Variants in FIGN observed in about 807,000 individuals in gnomAD.
FIGN encodes fidgetin.
FIGN carries 11 observed loss-of-function variants against 51.3 expected under a neutral mutation model. The ratio of observed to expected loss-of-function variants is 0.21; its 90% CI spans 0.13 to 0.35. FIGN has a LOEUF of 0.35. Among genes scored for constraint, FIGN ranks in the 10% least tolerant of loss-of-function variants. The pLI, the probability that FIGN is intolerant of heterozygous loss-of-function variation, is 1.00. For synonymous variants in FIGN, 407 were observed against 363.2 expected, an observed-to-expected ratio of 1.12 and a Z score of -1.37; for missense variants, 857 against 943.6, an observed-to-expected ratio of 0.91 and a Z score of 1.20.
At chr2:163,697,192 C>T (rs1684335824) in intron 2 of FIGN, among the ~76,000 whole-genome samples, 1 of 150,256 alleles carries the variant, frequency 6.7e-6, no homozygotes, top group Non-Finnish European at 1.5e-5. Flanking sequence ...CTTCTGCCTC[C>T]CGGGTTCAAG....
At chr2:163,735,366 AT>A (rs1312939319) in intron 1 of FIGN, among the ~76,000 whole-genome samples, 1 of 152,072 alleles carries the variant, frequency 6.6e-6, no homozygotes, top group Non-Finnish European at 1.5e-5. Context: ...ATCTTCTGAC[AT>A]TTTCTCGTTC....
chr2:163,713,037 T>C (rs1684612079), intron 2 of FIGN, among the ~76,000 whole-genome samples: 1 of 152,168 alleles, frequency 6.6e-6, no homozygotes, highest in African/African-American at 2.4e-5. Context: ...ACTCTGAGGA[T>C]GAGGAAAAGT....
intron 2 of FIGN, among the ~76,000 whole-genome samples, chr2:163,661,840 C>T (rs1422717813): frequency 6.6e-6 from 1 of 152,140 alleles, no homozygotes; most frequent in East Asian, 1.9e-4. Context: ...CTTTCGCCTC[C>T]TGCCATGATT....
At chr2:163,630,207 C>T (rs1683124498) in intron 2 of FIGN, among the ~76,000 whole-genome samples, 1 of 151,828 alleles carries the variant, frequency 6.6e-6, no homozygotes, top group African/African-American at 2.4e-5. Flanking sequence ...CACAAGCAAT[C>T]CTCCCACCTC....
chr2:163,657,677 T>C (rs932564026), intron 2 of FIGN, among the ~76,000 whole-genome samples: 1 of 152,084 alleles, frequency 6.6e-6, no homozygotes, highest in African/African-American at 2.4e-5. Context: ...GGCCAGAGTG[T>C]GGTGGTAGGA....
intron 2 of FIGN, among the ~76,000 whole-genome samples, chr2:163,636,733 T>C (rs555493127): frequency 6.6e-6 from 1 of 152,250 alleles, no homozygotes; most frequent in African/African-American, 2.4e-5. Flanking sequence ...ATGTAAGACT[T>C]GAATCCAGAG....
At chr2:163,668,736 T>C (rs867059090) in intron 2 of FIGN, among the ~76,000 whole-genome samples, 90 of 151,928 alleles carry the variant, frequency 5.9e-4, no homozygotes, top group Middle Eastern at 3.4e-3. Flanking sequence ...GTCAGGAGAT[T>C]GAGACCATCC....
At chr2:163,682,193 G>T (rs535650222) in intron 2 of FIGN, among the ~76,000 whole-genome samples, 2 of 152,124 alleles carry the variant, frequency 1.3e-5, no homozygotes, top group Non-Finnish European at 2.9e-5. Context: ...TGAAAATAAC[G>T]TGAGTTTATT....
intron 2 of FIGN, among the ~76,000 whole-genome samples, chr2:163,670,341 C>T (rs1167154650): frequency 1.3e-5 from 2 of 152,076 alleles, no homozygotes; most frequent in African/African-American, 2.4e-5. Flanking sequence ...ACAAACCCCC[C>T]ACAACAAAGA....
chr2:163,669,220 GT>G (rs1411554365), intron 2 of FIGN, among the ~76,000 whole-genome samples: 2 of 151,938 alleles, frequency 1.3e-5, no homozygotes, highest in Non-Finnish European at 2.9e-5. Flanking sequence ...TCAGCGTTTT[GT>G]TTTGTTTAAG....
intron 2 of FIGN, among the ~76,000 whole-genome samples, chr2:163,664,983 G>A (rs1683750209): frequency 6.7e-6 from 1 of 149,172 alleles, no homozygotes; most frequent in Non-Finnish European, 1.5e-5. Context: ...CAATGGGCTG[G>A]TGAAATGAAC....
At chr2:163,637,142 T>C (rs909393141) in intron 2 of FIGN, among the ~76,000 whole-genome samples, 1 of 152,148 alleles carries the variant, frequency 6.6e-6, no homozygotes, top group African/African-American at 2.4e-5. Context: ...AAATGTGTAT[T>C]GAGGGACTAT....
chr2:163,645,157 T>A (rs1683362743), intron 2 of FIGN, among the ~76,000 whole-genome samples: 1 of 152,188 alleles, frequency 6.6e-6, no homozygotes, highest in Admixed American at 6.5e-5. Context: ...CTGAATCTTG[T>A]AGAATGATGA....
intron 2 of FIGN, among the ~76,000 whole-genome samples, chr2:163,667,638 T>C (rs183263716): frequency 6.6e-6 from 1 of 152,272 alleles, no homozygotes; most frequent in South Asian, 2.1e-4. Context: ...CATTGTTTAC[T>C]TGAAAAATCT....
chr2:163,685,755 T>C (rs1380889), intron 2 of FIGN, among the ~76,000 whole-genome samples: 151,943 of 152,320 alleles, frequency 1, 75,792 homozygotes, highest in Middle Eastern at 1. Context: ...CAATACAGTG[T>C]TACTGGAGGA....
intron 2 of FIGN, among the ~76,000 whole-genome samples, chr2:163,722,232 G>A (rs1007101439): frequency 2.0e-5 from 3 of 152,134 alleles, no homozygotes; most frequent in Non-Finnish European, 4.4e-5. Flanking sequence ...AGACATTCAC[G>A]AATTAAGTTA....
chr2:163,715,835 A>C (rs1385948350), intron 2 of FIGN, among the ~76,000 whole-genome samples: 3 of 152,200 alleles, frequency 2.0e-5, no homozygotes, highest in Admixed American at 2.0e-4. Flanking sequence ...ACAACACTGC[A>C]AAAACCTATA....
chr2:163,611,665 T>C lies in FIGN; in HGVS notation c.167A>G (p.Asn56Ser). 1 of 1,614,208 alleles carries C rather than the reference T, an allele frequency of 6.2e-7. No individual in the cohort carries two copies. The highest frequency in any genetic ancestry group is 8.5e-7 in the Non-Finnish European group (1 of 1,180,026). Residue 56 changes from asparagine (N) to serine (S), a missense_variant, in exon 3 of 3, where the codon AAT becomes AGT. By Grantham distance (46) the Asn-to-Ser change is conservative. Around this residue, in one of 3 missense-constraint regions of FIGN, gnomAD observed 56 missense variants for 75.3 expected, o/e 0.74. Transcript: ENST00000333129. ...TGCAGTCAGAGCAGATATGTCATCATTCGCCCAGGCGTACTGATAGGTGCG... is the reference window on the plus strand; with the variant it reads ...TGCAGTCAGAGCAGATATGTCATCACTCGCCCAGGCGTACTGATAGGTGCG... ...LQRTYQYAWA[N>S]DDISALTASN...
At chr2:163,671,510 G>T (rs1034615521) in intron 2 of FIGN, among the ~76,000 whole-genome samples, 1 of 152,140 alleles carries the variant, frequency 6.6e-6, no homozygotes, top group South Asian at 2.1e-4. Context: ...AAAATTGGTA[G>T]ATTTACAGTC....
Sources: gnomAD v4.1 joint callset for allele counts (sites outside exome capture counted in the v4.1 genomes callset) on GRCh38, gnomAD v4.1.1 for gene constraint, gnomAD v4.1.1 regional missense constraint, MANE v1.5 for transcripts, NCBI Gene and HGNC (gene_info 2026-07-23, HGNC 2026-07-21) for gene names.